DNAJC5: variants seen among roughly 807,000 people sequenced by gnomAD.
DNAJC5 encodes dnaJ homolog subfamily C member 5.
In DNAJC5, 1 loss-of-function variant was observed where a neutral mutation model predicts 23.2. That is an observed-to-expected ratio of 0.04 (90% CI 0.02 to 0.20). The LOEUF (loss-of-function observed/expected upper bound fraction) is 0.20. Among genes scored for constraint, DNAJC5 ranks in the 10% least tolerant of loss-of-function variants. The pLI, the probability that DNAJC5 is intolerant of heterozygous loss-of-function variation, is 1.00. For synonymous variants in DNAJC5, 136 were observed against 120.0 expected (o/e 1.13, Z -0.87); for missense variants, 180 against 267.0 (o/e 0.67, Z 2.27).
At chr20:63,908,925 C>T (rs1172735019) in intron 1 of DNAJC5, 1 of 147,870 alleles carries the variant, frequency 6.8e-6, no homozygotes, top group Non-Finnish European at 1.5e-5. Flanking sequence ...ATGGTGAAAC[C>T]CCCCCATCTC....
In DNAJC5 at chr20:63,928,856, A is replaced by G. The variant is rs1256747104; in HGVS notation, c.107+404A>G. Reference sequence around the variant, plus strand: ...CTTGAAGAACTGCACTCTTGGGTACAGTTTCATTGAGTAACCTGTAAGAGA... The same window carrying G: ...CTTGAAGAACTGCACTCTTGGGTACGGTTTCATTGAGTAACCTGTAAGAGA... On this transcript the variant is annotated intron_variant, in intron 2 of 4. Coordinates refer to ENST00000360864, the MANE Select transcript of DNAJC5 (RefSeq NM_025219.3). This position sits in a 1 kb window ranked among gnomAD's most constrained non-coding sequence, Gnocchi z 4.6. 6.6e-6 allele frequency among the ~76,000 whole-genome samples: 1 copy of G among 152,190 alleles called. No homozygotes were observed. The highest frequency in any genetic ancestry group is 1.5e-5 in the Non-Finnish European group (1 of 68,038).
intron 1 of DNAJC5, among the ~76,000 whole-genome samples, chr20:63,908,306 C>T (rs183252379): frequency 6.6e-6 from 1 of 152,316 alleles, no homozygotes; most frequent in Non-Finnish European, 1.5e-5. Context: ...GTGGGAAAGT[C>T]AGGGCCGTTT....
chr20:63,923,316 C>G (rs970547431), intron 1 of DNAJC5, among the ~76,000 whole-genome samples: 1 of 151,544 alleles, frequency 6.6e-6, no homozygotes. Flanking sequence ...GTGGCACATT[C>G]CTGTAGTCTT....
At chr20:63,907,947 T>C (rs2053457987) in intron 1 of DNAJC5, among the ~76,000 whole-genome samples, 1 of 152,162 alleles carries the variant, frequency 6.6e-6, no homozygotes, top group Non-Finnish European at 1.5e-5. Flanking sequence ...TTTGTATTTT[T>C]AGTAGAGTCG....
intron 1 of DNAJC5, among the ~76,000 whole-genome samples, chr20:63,908,122 A>G (rs1422748512): frequency 1.3e-5 from 2 of 152,082 alleles, no homozygotes; most frequent in East Asian, 1.9e-4. Flanking sequence ...TGCACCTTAT[A>G]CTTGGTTGCA....
chr20:63,907,324 C>G (rs2053454321), intron 1 of DNAJC5, among the ~76,000 whole-genome samples: 1 of 152,198 alleles, frequency 6.6e-6, no homozygotes, highest in South Asian at 2.1e-4. Context: ...ACTCCACCTT[C>G]CTGAGTCTCA....
intron 1 of DNAJC5, among the ~76,000 whole-genome samples, chr20:63,911,679 C>CTT (rs895377433): frequency 2.1e-5 from 3 of 145,096 alleles, no homozygotes; most frequent in South Asian, 2.2e-4. Flanking sequence ...TTTAGGAATT[C>CTT]TTTTTTTTTT....
chr20:63,913,083 C>A (rs1346700012), intron 1 of DNAJC5, among the ~76,000 whole-genome samples: 2 of 152,146 alleles, frequency 1.3e-5, no homozygotes, highest in African/African-American at 4.8e-5. Flanking sequence ...CCGTCTCCAT[C>A]TCCCTGTCTG....
In DNAJC5 at chr20:63,931,209, C is replaced by A; in HGVS notation, c.493+187C>A. The A allele has an allele frequency of 1.2e-6, 1 of 805,566 alleles. No homozygotes were observed. Among genetic ancestry groups the A allele is most frequent in the Non-Finnish European group, 2.1e-6 (1 of 480,466 alleles). The allele number at this position is 805,566 out of a possible 1,614,324, so 49.9% of individuals were successfully genotyped here. On this transcript the variant is annotated intron_variant, in intron 4 of 4. Coordinates refer to ENST00000360864, the MANE Select transcript of DNAJC5 (RefSeq NM_025219.3). This position sits in a 1 kb window ranked among gnomAD's most constrained non-coding sequence, Gnocchi z 9.6. Reference sequence around the variant, plus strand: ...TAAAGCAGGCGCATAGAGCTGTCCCCGCCGTGACCTGCGGTAGCCGTAGAT... The same window carrying A: ...TAAAGCAGGCGCATAGAGCTGTCCCAGCCGTGACCTGCGGTAGCCGTAGAT...
intron 1 of DNAJC5, among the ~76,000 whole-genome samples, chr20:63,924,278 G>A (rs1211746856): frequency 6.6e-6 from 1 of 152,192 alleles, no homozygotes; most frequent in African/African-American, 2.4e-5. Context: ...GGGGAGAACT[G>A]ACTTCTTTAT....
rs1328047591 is a variant in DNAJC5 at position 63,919,862 on chromosome 20, C to T, written c.-11-8473C>T. The T allele has an allele frequency of 2.0e-5, 5 of 253,324 alleles. 2 individuals are homozygous for T. The highest frequency in any genetic ancestry group is 3.6e-5 in the Non-Finnish European group (5 of 139,490). The allele number at this position is 253,324 out of a possible 1,614,324, so 15.7% of individuals were successfully genotyped here. A position where few individuals can be genotyped will look rare whatever the true frequency, so the allele number is the denominator to read the frequency against. ...ACAGCGCCATGGAAGAGGACGCACCCGGCTGTGTGCACATGTGCCCAGGGC... is the reference window on the plus strand; with the variant it reads ...ACAGCGCCATGGAAGAGGACGCACCTGGCTGTGTGCACATGTGCCCAGGGC... On this transcript the variant is annotated intron_variant, in intron 1 of 4. Transcript: ENST00000360864.
rs868769436 is a variant in DNAJC5, at chr20:63,925,744, G to A, written c.-11-2591G>A. On this transcript the variant is annotated intron_variant, in intron 1 of 4. Transcript: ENST00000360864. ...CGCACTCCAGCCTGGGCAACAAAGC[G>A]AGACTATCTCAAAACCCCATATTGA... Among the ~76,000 whole-genome samples, 8 of 125,016 alleles carry A rather than the reference G, an allele frequency of 6.4e-5. No individual in the cohort carries two copies. In the South Asian group the frequency reaches 6.7e-4, roughly 10 times the overall value. 82.0% of individuals were successfully genotyped at this position (125,016 alleles called of 152,430 possible). A position where few individuals can be genotyped will look rare whatever the true frequency, so the allele number is the denominator to read the frequency against.
At chr20:63,901,083 G>T (rs1269194464) in intron 1 of DNAJC5, among the ~76,000 whole-genome samples, 1 of 152,210 alleles carries the variant, frequency 6.6e-6, no homozygotes, top group East Asian at 1.9e-4. Context: ...TTCTGCCTCA[G>T]CCTCTTGAGT....
intron 1 of DNAJC5, among the ~76,000 whole-genome samples, chr20:63,927,058 G>C (rs574079355): frequency 6.6e-6 from 1 of 152,330 alleles, no homozygotes; most frequent in Admixed American, 6.5e-5. Context: ...GGATAGTGCT[G>C]TGTGTGACCT....
At chr20:63,896,511 G>A (rs1177952782) in intron 1 of DNAJC5, among the ~76,000 whole-genome samples, 1 of 152,116 alleles carries the variant, frequency 6.6e-6, no homozygotes, top group Non-Finnish European at 1.5e-5. Flanking sequence ...CAGCGTCTGA[G>A]TCCACCCACC....
At chr20:63,918,031 G>A (rs1174578262) in intron 1 of DNAJC5, among the ~76,000 whole-genome samples, 5 of 152,136 alleles carry the variant, frequency 3.3e-5, no homozygotes, top group African/African-American at 1.2e-4. Flanking sequence ...GCCACCCACC[G>A]CGCCTGCTGC....
At chr20:63,927,311 GTTCAGCCTGAGGTCGGGAA>G (rs1421493135) in intron 1 of DNAJC5, among the ~76,000 whole-genome samples, 1 of 152,204 alleles carries the variant, frequency 6.6e-6, no homozygotes, top group Non-Finnish European at 1.5e-5. Context: ...GAGGTCGGGA[GTTCAGCCTGAGGTCGGGAA>G]TTCAAGACCA....
In DNAJC5 at chr20:63,931,165, G is replaced by A; in HGVS notation, c.493+143G>A. The A allele has an allele frequency of 1.1e-6, 1 of 949,842 alleles. No individual in the cohort carries two copies. The highest frequency in any genetic ancestry group is 1.6e-6 in the Non-Finnish European group (1 of 611,284). 58.8% of individuals were successfully genotyped at this position (949,842 alleles called of 1,614,324 possible). ...TGGTGGCAGCTGGGACTGTTGAGGT[G>A]TGAACGTGGACCCTGAGGTAAAGCA... is the stretch of plus-strand genomic sequence containing the variant. On this transcript the variant is annotated intron_variant, in intron 4 of 4. Coordinates refer to ENST00000360864, the MANE Select transcript of DNAJC5 (RefSeq NM_025219.3). This position sits in a 1 kb window ranked among gnomAD's most constrained non-coding sequence, Gnocchi z 9.6.
At chr20:63,904,866 C>T (rs906631476) in intron 1 of DNAJC5, among the ~76,000 whole-genome samples, 7 of 152,194 alleles carry the variant, frequency 4.6e-5, no homozygotes, top group Admixed American at 3.3e-4. Flanking sequence ...TGCAACGGCG[C>T]GATCTCGGCT....
Sources: allele counts gnomAD v4.1 joint callset (sites outside exome capture counted in the v4.1 genomes callset), GRCh38; gene constraint gnomAD v4.1.1; non-coding constraint Gnocchi (gnomAD v3.1); transcripts MANE v1.5; gene names NCBI Gene and HGNC (gene_info 2026-07-23, HGNC 2026-07-21).